FAF1: variants seen among roughly 807,000 people sequenced by gnomAD.
The protein encoded by FAF1 is FAS-associated factor 1.
Under a neutral mutation model 92.5 loss-of-function variants are expected in FAF1, and 25 were observed. The ratio of observed to expected loss-of-function variants is 0.27; its 90% CI spans 0.20 to 0.38. The LOEUF is 0.38. Among genes scored for constraint, FAF1 ranks in the 10% least tolerant of loss-of-function variants. FAF1 has a pLI of 1.00. For synonymous variants in FAF1, 234 were observed against 273.2 expected (o/e 0.86, Z 1.42); for missense variants, 636 against 793.3 (o/e 0.80, Z 2.38).
intron 6 of FAF1, among the ~76,000 whole-genome samples, chr1:50,715,247 C>G (rs190199558): frequency 6.6e-6 from 1 of 152,246 alleles, no homozygotes; most frequent in East Asian, 1.9e-4. Context: ...AAATGCTAGA[C>G]ATTTTCAAAC....
chr1:50,530,647 GT>G (rs1648103975), intron 15 of FAF1, among the ~76,000 whole-genome samples: 1 of 152,100 alleles, frequency 6.6e-6, no homozygotes, highest in South Asian at 2.1e-4. Context: ...TAATTGGATT[GT>G]TTGTAACTCA....
At chr1:50,762,012 T>C (rs1660348474) in intron 4 of FAF1, among the ~76,000 whole-genome samples, 1 of 152,158 alleles carries the variant, frequency 6.6e-6, no homozygotes, top group Admixed American at 6.5e-5. Context: ...AAAATCAATG[T>C]ACAAAAATCA....
chr1:50,637,549 C>T (rs1654097210), intron 8 of FAF1, among the ~76,000 whole-genome samples: 1 of 151,554 alleles, frequency 6.6e-6, no homozygotes, highest in Admixed American at 6.6e-5. Flanking sequence ...TTGCCAATTT[C>T]TATGAAAAAT....
At chr1:50,719,392 C>T (rs932033292) in intron 6 of FAF1, among the ~76,000 whole-genome samples, 1 of 152,198 alleles carries the variant, frequency 6.6e-6, no homozygotes, top group Non-Finnish European at 1.5e-5. Context: ...GCCTCTTACT[C>T]TACAGCTACT....
intron 1 of FAF1, among the ~76,000 whole-genome samples, chr1:50,893,243 T>C (rs1053889523): frequency 1.3e-5 from 2 of 152,212 alleles, no homozygotes; most frequent in African/African-American, 4.8e-5. Flanking sequence ...TTGATGCTTA[T>C]GGATGTTTGC....
intron 3 of FAF1, among the ~76,000 whole-genome samples, chr1:50,796,075 C>A (rs1462538913): frequency 4.7e-5 from 7 of 150,448 alleles, no homozygotes; most frequent in Non-Finnish European, 3.0e-5. Flanking sequence ...AAAACAAAAA[C>A]AAAAAAAAAC....
chr1:50,559,397 C>T (rs1439364862), intron 13 of FAF1, among the ~76,000 whole-genome samples: 1 of 152,206 alleles, frequency 6.6e-6, no homozygotes, highest in Middle Eastern at 3.4e-3. Flanking sequence ...CCTTTCAGTA[C>T]TATTAGGAAA....
At chr1:50,823,999 T>C (rs1194155008) in intron 2 of FAF1, among the ~76,000 whole-genome samples, 1 of 152,086 alleles carries the variant, frequency 6.6e-6, no homozygotes, top group African/African-American at 2.4e-5. Context: ...TAAGTAAAAA[T>C]TAAAATCATG....
intron 8 of FAF1, among the ~76,000 whole-genome samples, chr1:50,647,878 T>A (rs12131650): frequency 2.6e-5 from 4 of 151,948 alleles, no homozygotes; most frequent in Non-Finnish European, 4.4e-5. Flanking sequence ...TGAAAAAAAC[T>A]TAAGTAGAAG....
Position 50,526,087 on chromosome 1 carries a change from T to C in FAF1, c.1494+9282A>G, listed in dbSNP as rs151084141. Among the ~76,000 whole-genome samples the C allele has an allele frequency of 6.4e-3, 969 of 152,320 alleles. 14 individuals carry two copies. Among genetic ancestry groups the C allele is most frequent in the African/African-American group, 0.022 (899 of 41,576 alleles). ...TCTAAACAGTAGAAGGTAATTGATA[T>C]CGTTTGCGATATTTCACAAAGGTTA... On this transcript the variant is annotated intron_variant, in intron 15 of 18. Coordinates refer to ENST00000396153, the MANE Select transcript of FAF1 (RefSeq NM_007051.3).
intron 1 of FAF1, among the ~76,000 whole-genome samples, chr1:50,866,205 T>TA (rs1644480657): frequency 1.3e-5 from 2 of 151,678 alleles, no homozygotes; most frequent in Admixed American, 6.6e-5. Context: ...TACCTTAAGG[T>TA]AATGACAAAC....
intron 1 of FAF1, among the ~76,000 whole-genome samples, chr1:50,934,282 T>C (rs1282967013): frequency 2.6e-5 from 4 of 152,200 alleles, no homozygotes; most frequent in Non-Finnish European, 4.4e-5. Flanking sequence ...TACTTACCCA[T>C]ATATATGAAA....
intron 6 of FAF1, among the ~76,000 whole-genome samples, chr1:50,722,605 C>T (rs1472121867): frequency 2.0e-5 from 3 of 147,640 alleles, no homozygotes; most frequent in Non-Finnish European, 4.5e-5. Context: ...GCTGAGATCG[C>T]GCCACTGCAC....
chr1:50,603,871 C>T (rs1208164383), intron 8 of FAF1, among the ~76,000 whole-genome samples: 1 of 152,154 alleles, frequency 6.6e-6, no homozygotes, highest in Non-Finnish European at 1.5e-5. Context: ...TATTAAAAGA[C>T]ATGTGCAGGT....
chr1:50,694,024 CAT>C (rs200535401), intron 7 of FAF1, among the ~76,000 whole-genome samples: 97 of 148,554 alleles, frequency 6.5e-4, no homozygotes, highest in Non-Finnish European at 7.8e-4. Context: ...ACATATATGA[CAT>C]ATATATGACA....
chr1:50,486,073 G>A (rs1646765335), intron 17 of FAF1, among the ~76,000 whole-genome samples: 1 of 152,164 alleles, frequency 6.6e-6, no homozygotes, highest in African/African-American at 2.4e-5. Context: ...TAGAGTGGTT[G>A]TGAGGTGAAA....
At chr1:50,849,468 T>A (rs997907257) in intron 2 of FAF1, among the ~76,000 whole-genome samples, 1 of 152,134 alleles carries the variant, frequency 6.6e-6, no homozygotes, top group African/African-American at 2.4e-5. Context: ...TTATACATTT[T>A]AAAATATTAA....
chr1:50,635,050 A>G (rs1459066590), intron 8 of FAF1, among the ~76,000 whole-genome samples: 1 of 152,214 alleles, frequency 6.6e-6, no homozygotes, highest in Non-Finnish European at 1.5e-5. Flanking sequence ...ATCACTATAT[A>G]CATGTCTCTT....
At chr1:50,719,267 A>G (rs781266997) in intron 6 of FAF1, among the ~76,000 whole-genome samples, 2 of 152,216 alleles carry the variant, frequency 1.3e-5, no homozygotes, top group African/African-American at 2.4e-5. Context: ...TCTGAGCTGC[A>G]GATTACATCA....
Sources: gnomAD v4.1 joint callset for allele counts (sites outside exome capture counted in the v4.1 genomes callset) on GRCh38, gnomAD v4.1.1 for gene constraint, MANE v1.5 for transcripts, NCBI Gene and HGNC (gene_info 2026-07-23, HGNC 2026-07-21) for gene names.